The following YTHDF3 variants were observed in gnomAD, a reference collection of about 807,000 sequenced individuals.
YTHDF3 encodes the protein YTH N6-methyladenosine RNA binding protein F3, also known as YTH domain-containing family protein 3.
In YTHDF3, 9 loss-of-function variants were observed where a neutral mutation model predicts 52.5. The ratio of observed to expected loss-of-function variants is 0.17; its 90% CI spans 0.10 to 0.30. The LOEUF is 0.30. YTHDF3 is among the 10% of genes least tolerant of loss of function. The pLI is 1.00. For missense variants in YTHDF3, 534 were observed against 715.0 expected (o/e 0.75, Z 2.89); for synonymous variants, 274 against 243.3 (o/e 1.13, Z -1.18).
intron 4 of YTHDF3, among the ~76,000 whole-genome samples, chr8:63,191,266 A>G (rs1453609578): frequency 3.3e-5 from 5 of 152,090 alleles, no homozygotes; most frequent in African/African-American, 7.2e-5. Flanking sequence ...ACTTTTTTCT[A>G]TTAATGTCAA....
chr8:63,200,555 C>G (rs1035125774), intron 4 of YTHDF3, among the ~76,000 whole-genome samples: 31 of 151,786 alleles, frequency 2.0e-4, no homozygotes, highest in African/African-American at 7.5e-4. Flanking sequence ...GGTGTGAATA[C>G]CTGAATGCAG....
At chr8:63,202,741 G>A (rs1350931079) in intron 4 of YTHDF3, among the ~76,000 whole-genome samples, 2 of 151,994 alleles carry the variant, frequency 1.3e-5, no homozygotes, top group African/African-American at 2.4e-5. Flanking sequence ...GGGATTACAG[G>A]CATGAGCCAC....
At chr8:63,195,731 CGTGTGTGT>C (rs61277098) in intron 4 of YTHDF3, among the ~76,000 whole-genome samples, 46 of 145,360 alleles carry the variant, frequency 3.2e-4, no homozygotes, top group East Asian at 2.4e-3. Context: ...CATGTATTTA[CGTGTGTGT>C]GTGTGTGTGT....
At chr8:63,208,789 G>A (rs1810197745) in intron 4 of YTHDF3, among the ~76,000 whole-genome samples, 1 of 152,098 alleles carries the variant, frequency 6.6e-6, no homozygotes, top group African/African-American at 2.4e-5. Context: ...TTTAAGATAG[G>A]AATTATAATT....
chr8:63,172,192 C>T (rs1208901034), intron 2 of YTHDF3, among the ~76,000 whole-genome samples: 1 of 152,018 alleles, frequency 6.6e-6, no homozygotes, highest in African/African-American at 2.4e-5. Flanking sequence ...CATAATTTAA[C>T]ACTTCGTATT....
At chr8:63,169,945 A>G (rs768390704) in intron 2 of YTHDF3, among the ~76,000 whole-genome samples, 67 of 152,336 alleles carry the variant, frequency 4.4e-4, no homozygotes, top group Non-Finnish European at 7.4e-4. Context: ...TCTGATTGCA[A>G]GGTGTGACTC....
chr8:63,204,464 C>T (rs1167922009), intron 4 of YTHDF3, among the ~76,000 whole-genome samples: 1 of 151,156 alleles, frequency 6.6e-6, no homozygotes, highest in South Asian at 2.1e-4. Flanking sequence ...TGGGTTCAAG[C>T]GATTTTCCTG....
At chr8:63,178,565 T>G (rs1176817173) in intron 3 of YTHDF3, among the ~76,000 whole-genome samples, 1 of 152,224 alleles carries the variant, frequency 6.6e-6, no homozygotes, top group African/African-American at 2.4e-5. Flanking sequence ...GTATCCTGTT[T>G]GAAGAGAAGT....
At chr8:63,202,324 GC>G (rs1355669237) in intron 4 of YTHDF3, among the ~76,000 whole-genome samples, 3 of 152,100 alleles carry the variant, frequency 2.0e-5, no homozygotes, top group Non-Finnish European at 2.9e-5. Context: ...CTTTTTTAAT[GC>G]CAAAGGATCC....
chr8:63,170,352 T>C (rs570253454), intron 2 of YTHDF3, among the ~76,000 whole-genome samples: 68 of 152,316 alleles, frequency 4.5e-4, no homozygotes, highest in African/African-American at 1.6e-3. Flanking sequence ...TTAGGGTATT[T>C]ATTTGCTATT....
chr8:63,169,049 C>G, intron 1 of YTHDF3, 148 bp downstream of exon 1: 1 of 1,423,926 alleles, frequency 7.0e-7, no homozygotes, highest in Non-Finnish European at 9.1e-7. Flanking sequence ...CTACCCGGGC[C>G]GGGGCGTGCG....
chr8:63,169,123 T>C, intron 1 of YTHDF3: 1 of 1,416,456 alleles, frequency 7.1e-7, no homozygotes, highest in Non-Finnish European at 9.2e-7. Context: ...CAAGGACCGG[T>C]CTTAGGGGCC....
intron 3 of YTHDF3, among the ~76,000 whole-genome samples, chr8:63,175,891 A>C (rs547423003): frequency 6.6e-6 from 1 of 152,280 alleles, no homozygotes; most frequent in African/African-American, 2.4e-5. Context: ...TAACTATTGA[A>C]AATTTTAACA....
chr8:63,200,374 G>A (rs554761063), intron 4 of YTHDF3, among the ~76,000 whole-genome samples: 16 of 151,892 alleles, frequency 1.1e-4, no homozygotes, highest in Non-Finnish European at 1.6e-4. Flanking sequence ...ACACTCTGTC[G>A]CCTCGGCTGA....
intron 1 of YTHDF3, 183 bp downstream of exon 1, chr8:63,169,084 G>C (rs936849947): frequency 8.7e-6 from 12 of 1,385,870 alleles, no homozygotes; most frequent in Non-Finnish European, 1.1e-5. Context: ...CTTGCGGGCG[G>C]GCGGGCGCGG....
chr8:63,209,606 C>CAT, intron 4 of YTHDF3, 77 bp from the exon 5 acceptor site: 1 of 1,339,082 alleles, frequency 7.5e-7, no homozygotes, highest in Non-Finnish European at 1.0e-6. Context: ...ATTATATGTG[C>CAT]ATATAGTTTA....
intron 1 of YTHDF3, 110 bp from the exon 2 acceptor site, chr8:63,169,277 C>T (rs901319930): frequency 9.1e-6 from 13 of 1,432,348 alleles, no homozygotes; most frequent in East Asian, 5.0e-5. Flanking sequence ...GGTTTTTACT[C>T]CTACGCGGAT....
chr8:63,169,740 T>C (rs1048266515), intron 2 of YTHDF3, among the ~76,000 whole-genome samples: 2 of 152,260 alleles, frequency 1.3e-5, no homozygotes, highest in Non-Finnish European at 2.9e-5. Context: ...CATGTGTATA[T>C]AGACAAGTAT....
rs1808497913 is a variant in YTHDF3, at chr8:63,186,308, C to T, written c.297C>T (p.His99=). 1 of 1,613,902 alleles carries T rather than the reference C, an allele frequency of 6.2e-7. No individual in the cohort carries two copies. Among genetic ancestry groups the T allele is most frequent in the Admixed American group, 1.7e-5 (1 of 60,004 alleles). ...GACAAATGAGTAATGGAGAACATCA[C>T]TATATACCAGATGGTGTATTTAGTC... ...TYGQMSNGEH[H]YIPDGVFSQP... The change falls in exon 4 of 5, where the codon CAC becomes CAT. Residue 99 remains histidine, a synonymous_variant. Transcript: ENST00000539294.
Sources: gnomAD v4.1 joint callset for allele counts (sites outside exome capture counted in the v4.1 genomes callset) on GRCh38, gnomAD v4.1.1 for gene constraint, MANE v1.5 for transcripts, NCBI Gene and HGNC (gene_info 2026-07-23, HGNC 2026-07-21) for gene names.